The following ATRNL1 variants were observed in gnomAD, a reference collection of about 807,000 sequenced individuals.
ATRNL1 encodes the protein attractin-like protein 1.
ATRNL1 carries 95 observed loss-of-function variants against 182.7 expected under a neutral mutation model. That is an observed-to-expected ratio of 0.52 (90% CI 0.44 to 0.62). The LOEUF (loss-of-function observed/expected upper bound fraction) is 0.62, where lower values mean the gene tolerates loss of function less well. ATRNL1 is among the 20% of genes least tolerant of loss of function. The pLI, the probability that ATRNL1 is intolerant of heterozygous loss-of-function variation, is 0.00. For missense variants in ATRNL1, 1,471 were observed against 1,679.5 expected (o/e 0.88, Z 2.17); for synonymous variants, 576 against 568.3 (o/e 1.01, Z -0.19).
intron 26 of ATRNL1, among the ~76,000 whole-genome samples, chr10:115,576,092 A>C (rs1287034305): frequency 6.6e-6 from 1 of 152,018 alleles, no homozygotes; most frequent in Non-Finnish European, 1.5e-5. Flanking sequence ...AAGAGTAAAT[A>C]TATTCCATGG....
At chr10:115,703,097 G>T (rs1050028740) in intron 26 of ATRNL1, among the ~76,000 whole-genome samples, 6 of 151,834 alleles carry the variant, frequency 4.0e-5, no homozygotes, top group African/African-American at 1.4e-4. Flanking sequence ...GATCGCAGAA[G>T]TAAAGCCACA....
intron 27 of ATRNL1, among the ~76,000 whole-genome samples, chr10:115,845,158 T>TCATAA (rs1950898494): frequency 6.6e-6 from 1 of 152,120 alleles, no homozygotes; most frequent in Admixed American, 6.6e-5. Flanking sequence ...TAATTCATAT[T>TCATAA]TTTGCTAATA....
chr10:115,892,017 A>G (rs1230572933), intron 28 of ATRNL1, among the ~76,000 whole-genome samples: 4 of 152,218 alleles, frequency 2.6e-5, no homozygotes, highest in African/African-American at 9.6e-5. Context: ...GATATCTGTG[A>G]TCAAGATACA....
At chr10:115,383,730 A>C (rs612233) in intron 19 of ATRNL1, among the ~76,000 whole-genome samples, 15,202 of 151,986 alleles carry the variant, frequency 0.1, 2,540 homozygotes, top group African/African-American at 0.34. Context: ...CCTATCACAA[A>C]ATGTCATTTA....
intron 9 of ATRNL1, among the ~76,000 whole-genome samples, chr10:115,235,581 A>G (rs1419539635): frequency 6.6e-6 from 1 of 151,792 alleles, no homozygotes; most frequent in Non-Finnish European, 1.5e-5. Flanking sequence ...TGTTTTTGTT[A>G]TGACTGAATA....
intron 9 of ATRNL1, among the ~76,000 whole-genome samples, chr10:115,216,335 C>G (rs1554896238): frequency 1.3e-5 from 2 of 152,156 alleles, no homozygotes; most frequent in African/African-American, 4.8e-5. Context: ...TGCCGAAGTG[C>G]TTTTCAAGTC....
chr10:115,350,643 G>A (rs1856204827), intron 19 of ATRNL1, among the ~76,000 whole-genome samples: 1 of 152,106 alleles, frequency 6.6e-6, no homozygotes, highest in South Asian at 2.1e-4. Context: ...CTTTATGCCA[G>A]TATCATGCTG....
chr10:115,588,030 A>G (rs1855671490), intron 26 of ATRNL1, among the ~76,000 whole-genome samples: 1 of 152,204 alleles, frequency 6.6e-6, no homozygotes, highest in South Asian at 2.1e-4. Flanking sequence ...GTTCAAATTC[A>G]CTAGGTTACA....
intron 5 of ATRNL1, among the ~76,000 whole-genome samples, chr10:115,134,484 G>A (rs981235513): frequency 1.3e-5 from 2 of 152,074 alleles, no homozygotes; most frequent in Non-Finnish European, 2.9e-5. Context: ...AGACTAACCA[G>A]GAAGAAGTTG....
At chr10:115,497,893 T>C (rs1214009493) in intron 24 of ATRNL1, among the ~76,000 whole-genome samples, 1 of 151,908 alleles carries the variant, frequency 6.6e-6, no homozygotes, top group Admixed American at 6.6e-5. Flanking sequence ...CCTGACCTCA[T>C]GATCCACCCG....
At chr10:115,797,225 T>G (rs1286473390) in intron 27 of ATRNL1, among the ~76,000 whole-genome samples, 4 of 152,146 alleles carry the variant, frequency 2.6e-5, no homozygotes, top group African/African-American at 9.7e-5. Context: ...ACATAATTTG[T>G]GGGGCCCAGT....
At position 115,336,853 on chromosome 10, in the gene ATRNL1, C is replaced by CT. The variant is rs1179402968; in HGVS notation, c.3175+2445dup. On this transcript the variant is annotated intron_variant, in intron 19 of 28. Coordinates refer to ENST00000355044, the MANE Select transcript of ATRNL1 (RefSeq NM_207303.4). ...TTGTGCAACTGTCTGATTTTTTTTT[C>CT]TTTTTTTTTTTAGACAGAGTCTCGC... Among the ~76,000 whole-genome samples the CT allele has an allele frequency of 5.4e-3, 764 of 141,674 alleles. 4 individuals carry two copies. Among genetic ancestry groups the CT allele is most frequent in the African/African-American group, 0.017 (640 of 38,780 alleles). 92.9% of individuals were successfully genotyped at this position (141,674 alleles called of 152,430 possible). A position where few individuals can be genotyped will look rare whatever the true frequency, so the allele number is the denominator to read the frequency against.
intron 24 of ATRNL1, among the ~76,000 whole-genome samples, chr10:115,511,303 TA>T (rs1490923368): frequency 1.4e-4 from 22 of 151,928 alleles, no homozygotes; most frequent in Non-Finnish European, 3.1e-4. Flanking sequence ...TTATATTTTT[TA>T]AAAGAACAAG....
chr10:115,738,130 T>C lies in ATRNL1; in HGVS notation c.3903+10775T>C, dbSNP rs1330917809. Among the ~76,000 whole-genome samples, 2 of 45,478 alleles carry C rather than the reference T, an allele frequency of 4.4e-5. 1 individual carries two copies. Among genetic ancestry groups the C allele is most frequent in the Middle Eastern group, 0.024 (2 of 82 alleles). 29.8% of individuals were successfully genotyped at this position (45,478 alleles called of 152,430 possible). On this transcript the variant is annotated intron_variant, in intron 27 of 28. Coordinates refer to ENST00000355044, the MANE Select transcript of ATRNL1 (RefSeq NM_207303.4). ...AAAATGATTTAGAAGATAATGATTT[T>C]TTTTTTTTTTTTTTTTTTTTTTTTT... is the stretch of plus-strand genomic sequence containing the variant.
chr10:115,752,583 T>C (rs1555070885), intron 27 of ATRNL1, among the ~76,000 whole-genome samples: 1 of 152,014 alleles, frequency 6.6e-6, no homozygotes, highest in African/African-American at 2.4e-5. Flanking sequence ...AGCATGCACA[T>C]TCCTATCACC....
intron 26 of ATRNL1, among the ~76,000 whole-genome samples, chr10:115,567,611 C>A (rs189551775): frequency 6.6e-6 from 1 of 151,982 alleles, no homozygotes; most frequent in Non-Finnish European, 1.5e-5. Context: ...TAGTTTTAGT[C>A]TTTTACTCCA....
chr10:115,351,159 T>G (rs982619297), intron 19 of ATRNL1, among the ~76,000 whole-genome samples: 2 of 152,126 alleles, frequency 1.3e-5, no homozygotes. Flanking sequence ...AGTCTTTAGG[T>G]TTTTTGAAGT....
chr10:115,812,825 G>T (rs1950077950), intron 27 of ATRNL1, among the ~76,000 whole-genome samples: 1 of 151,924 alleles, frequency 6.6e-6, no homozygotes, highest in African/African-American at 2.4e-5. Context: ...TCATCCTTCA[G>T]ATCTCAGTAA....
chr10:115,838,595 G>A (rs565156419), intron 27 of ATRNL1, among the ~76,000 whole-genome samples: 1 of 152,246 alleles, frequency 6.6e-6, no homozygotes, highest in East Asian at 1.9e-4. Flanking sequence ...AGGAAGAGGA[G>A]GGAAAAGAAA....
Sources: gnomAD v4.1 joint callset for allele counts (sites outside exome capture counted in the v4.1 genomes callset) on GRCh38, gnomAD v4.1.1 for gene constraint, MANE v1.5 for transcripts, NCBI Gene and HGNC (gene_info 2026-07-23, HGNC 2026-07-21) for gene names.